The following SLC28A1 variants were observed in gnomAD, a reference collection of about 807,000 sequenced individuals.
SLC28A1 encodes the protein sodium/nucleoside cotransporter 1.
A neutral mutation model predicts 74.8 loss-of-function variants in SLC28A1; 64 were observed. That is an observed-to-expected ratio of 0.86 (90% CI 0.70 to 1.05). The LOEUF is 1.05. Ranked by LOEUF, SLC28A1 falls within the 50% of genes least tolerant of loss-of-function variation. The probability of loss-of-function intolerance (pLI) is 0.00; values close to 1 mark genes in which losing one functional copy is unlikely to be tolerated. For missense variants in SLC28A1, 828 were observed against 822.8 expected, an observed-to-expected ratio of 1.01 and a Z score of -0.08; for synonymous variants, 359 against 335.0, an observed-to-expected ratio of 1.07 and a Z score of -0.78.
chr15:84,916,128 T>A (rs1467414928), intron 9 of SLC28A1, among the ~76,000 whole-genome samples: 1 of 151,586 alleles, frequency 6.6e-6, no homozygotes, highest in Non-Finnish European at 1.5e-5. Flanking sequence ...ACCCCTGGCT[T>A]ATTTTTTTCT....
At chr15:84,959,008 G>A in the SLC28A1 span, among the ~76,000 whole-genome samples, 9 of 150,758 alleles carry the variant, frequency 6.0e-5, no homozygotes, top group African/African-American at 2.2e-4. Flanking sequence ...GCTGAGGCAG[G>A]AGAATCGTTT....
intron 7 of SLC28A1, among the ~76,000 whole-genome samples, chr15:84,905,173 G>A (rs552854527): frequency 1.2e-3 from 189 of 152,280 alleles, no homozygotes; most frequent in African/African-American, 4.4e-3. Flanking sequence ...GGGTTCACAC[G>A]AGCTGGGAGG....
chr15:84,897,295 A>C (rs1966112508), intron 6 of SLC28A1, among the ~76,000 whole-genome samples: 1 of 152,036 alleles, frequency 6.6e-6, no homozygotes, highest in Non-Finnish European at 1.5e-5. Context: ...CAGAGGCAAG[A>C]GAATCACTTG....
At chr15:84,920,114 G>A (rs1969621648) in intron 10 of SLC28A1, among the ~76,000 whole-genome samples, 1 of 152,172 alleles carries the variant, frequency 6.6e-6, no homozygotes, top group South Asian at 2.1e-4. Flanking sequence ...CAGCAGTGGA[G>A]AGAATTCCAG....
chr15:84,928,980 G>A (rs967877245), intron 12 of SLC28A1, among the ~76,000 whole-genome samples: 2 of 151,932 alleles, frequency 1.3e-5, no homozygotes, highest in East Asian at 1.9e-4. Context: ...TCCCTTCTCC[G>A]CACATCCCTC....
intron 12 of SLC28A1, among the ~76,000 whole-genome samples, chr15:84,925,188 G>C (rs909720222): frequency 1.3e-5 from 2 of 150,408 alleles, no homozygotes; most frequent in African/African-American, 4.9e-5. Flanking sequence ...CAAAGTGCTG[G>C]TATTACAGGC....
At chr15:84,917,555 T>G (rs995533048) in intron 9 of SLC28A1, among the ~76,000 whole-genome samples, 4 of 152,178 alleles carry the variant, frequency 2.6e-5, no homozygotes, top group African/African-American at 4.8e-5. Flanking sequence ...ACTATAGACA[T>G]GTGCCATCAT....
Position 84,904,106 on chromosome 15 carries a change from T to A in SLC28A1, c.471T>A (p.Ala157=). The change falls in exon 7 of 19, where the codon GCT becomes GCA. Residue 157 remains alanine, a synonymous_variant. Transcript: ENST00000394573. ...RLLLWFKRGL[A]LAAFLGLVLW... is the part of the protein sequence containing the mutation. ...TGTCTCTTGCCTGCAGGGGTCTAGC[T>A]CTTGCTGCTTTCCTGGGCCTGGTCC... 6.2e-7 allele frequency: 1 copy of A among 1,614,224 alleles called. No individual in the cohort carries two copies. Among genetic ancestry groups the A allele is most frequent in the Non-Finnish European group, 8.5e-7 (1 of 1,180,040 alleles).
chr15:84,920,941 T>TG (rs779749614), intron 10 of SLC28A1, 48 bp from the exon 11 acceptor site: 39 of 1,461,288 alleles, frequency 2.7e-5, no homozygotes, highest in Non-Finnish European at 3.4e-5. Flanking sequence ...CCTCTGACTC[T>TG]GGGGTTTGCT....
At chr15:84,919,119 A>T (rs1370370431) in intron 10 of SLC28A1, among the ~76,000 whole-genome samples, 3 of 152,210 alleles carry the variant, frequency 2.0e-5, no homozygotes, top group Non-Finnish European at 4.4e-5. Flanking sequence ...TTGAGGCGGC[A>T]CTGAAAAGGT....
intron 12 of SLC28A1, among the ~76,000 whole-genome samples, chr15:84,927,050 T>C (rs959586788): frequency 6.6e-6 from 1 of 152,168 alleles, no homozygotes; most frequent in Non-Finnish European, 1.5e-5. Flanking sequence ...AGAAGTCCCC[T>C]TGGGCTCAGG....
intron 12 of SLC28A1, among the ~76,000 whole-genome samples, chr15:84,926,894 C>G (rs4513067): frequency 0.19 from 29,431 of 151,978 alleles, 3,361 homozygotes; most frequent in South Asian, 0.42. Flanking sequence ...CATCTCTGTC[C>G]CTGGGGATGA....
intron 8 of SLC28A1, among the ~76,000 whole-genome samples, chr15:84,908,089 G>A (rs1967509027): frequency 6.6e-6 from 1 of 151,982 alleles, no homozygotes; most frequent in Non-Finnish European, 1.5e-5. Flanking sequence ...GGGCCTGAGC[G>A]GCACAAGAGG....
At chr15:84,920,704 GT>G (rs1407624306) in intron 10 of SLC28A1, among the ~76,000 whole-genome samples, 6 of 94,332 alleles carry the variant, frequency 6.4e-5, no homozygotes, top group Non-Finnish European at 1.2e-4. Context: ...TCTCCAAGGG[GT>G]GTGTGTGTGT....
chr15:84,969,890 A>C, the SLC28A1 span, among the ~76,000 whole-genome samples: 2 of 148,042 alleles, frequency 1.4e-5, no homozygotes, highest in Non-Finnish European at 2.9e-5. Flanking sequence ...CTTTGAAAAC[A>C]GAAGAAGTTG....
the SLC28A1 span, among the ~76,000 whole-genome samples, chr15:84,953,050 A>C: frequency 6.6e-6 from 1 of 152,218 alleles, no homozygotes; most frequent in Non-Finnish European, 1.5e-5. Flanking sequence ...CATCAATTAG[A>C]AGACAAATAA....
chr15:84,922,413 G>T (rs1018100516), intron 11 of SLC28A1, among the ~76,000 whole-genome samples: 2 of 152,078 alleles, frequency 1.3e-5, no homozygotes, highest in Admixed American at 6.6e-5. Context: ...TCCACAGGAT[G>T]GTTCAGGCGG....
At chr15:84,908,855 G>C (rs1480898318) in intron 9 of SLC28A1, 60 bp downstream of exon 9, 33 of 1,414,814 alleles carry the variant, frequency 2.3e-5, no homozygotes, top group Non-Finnish European at 3.3e-5. Flanking sequence ...ACTCCAGCTA[G>C]AGGGGAGTCT....
At chr15:84,949,505 C>T (rs539428751), downstream of SLC28A1, among the ~76,000 whole-genome samples, 1 of 151,894 alleles carries the variant, frequency 6.6e-6, no homozygotes, top group East Asian at 1.9e-4. Context: ...CCCACCTCAG[C>T]CTCCCACCTC....
Sources: gnomAD v4.1 joint callset for allele counts (sites outside exome capture counted in the v4.1 genomes callset) on GRCh38, gnomAD v4.1.1 for gene constraint, MANE v1.5 for transcripts, NCBI Gene and HGNC (gene_info 2026-07-23, HGNC 2026-07-21) for gene names.